The following PTPRD variants were observed in gnomAD, a reference collection of about 807,000 sequenced individuals.
PTPRD encodes receptor-type tyrosine-protein phosphatase delta.
A neutral mutation model predicts 214.5 loss-of-function variants in PTPRD; 34 were observed. The ratio of observed to expected loss-of-function variants is 0.16; its 90% CI spans 0.12 to 0.21. The LOEUF (loss-of-function observed/expected upper bound fraction) is 0.21. Among genes scored for constraint, PTPRD ranks in the 10% least tolerant of loss-of-function variants. The pLI is 1.00. For synonymous variants in PTPRD, 1,128 were observed against 845.7 expected (o/e 1.33, Z -5.79); for missense variants, 2,545 against 2,398.7 (o/e 1.06, Z -1.27).
intron 3 of PTPRD, among the ~76,000 whole-genome samples, chr9:10,180,468 T>C (rs1234143786): frequency 6.6e-6 from 1 of 151,938 alleles, no homozygotes. Context: ...ATATTTCTGG[T>C]GGATCATTTC....
At position 10,100,226 on chromosome 9, in the gene PTPRD, T is replaced by C. The variant is rs553672436; in HGVS notation, c.-544-66436A>G. On this transcript the variant is annotated intron_variant, in intron 3 of 45. Transcript: ENST00000381196. ...AATGGTAACAGCAACAAACTGAGAA[T>C]GTTTAGTACATAGCATTTCACTAAG... Among the ~76,000 whole-genome samples the C allele has an allele frequency of 4.6e-5, 7 of 151,844 alleles. 1 individual carries two copies. In the South Asian group the frequency reaches 1.5e-3, roughly 31 times the overall value.
intron 3 of PTPRD, among the ~76,000 whole-genome samples, chr9:10,302,873 A>G (rs921932237): frequency 5.3e-5 from 8 of 152,198 alleles, no homozygotes; most frequent in Non-Finnish European, 1.0e-4. Flanking sequence ...ATTAACAAGG[A>G]TATTCAAGAC....
intron 2 of PTPRD, among the ~76,000 whole-genome samples, chr9:10,398,555 GT>G (rs2098215593): frequency 1.3e-5 from 2 of 152,010 alleles, no homozygotes; most frequent in South Asian, 4.2e-4. Flanking sequence ...AACCTACTAT[GT>G]GCTAGATATG....
intron 8 of PTPRD, among the ~76,000 whole-genome samples, chr9:9,434,325 A>T (rs529975071): frequency 6.6e-6 from 1 of 152,180 alleles, no homozygotes; most frequent in Non-Finnish European, 1.5e-5. Flanking sequence ...AAGTATCTCT[A>T]CACTGAAAAC....
chr9:9,874,067 A>C (rs1010682873), intron 5 of PTPRD, among the ~76,000 whole-genome samples: 2 of 152,162 alleles, frequency 1.3e-5, no homozygotes, highest in Non-Finnish European at 2.9e-5. Context: ...TTTTTAGGAC[A>C]AAAACATTTT....
At chr9:8,688,351 G>A (rs2097728980) in intron 12 of PTPRD, among the ~76,000 whole-genome samples, 1 of 152,106 alleles carries the variant, frequency 6.6e-6, no homozygotes, top group African/African-American at 2.4e-5. Context: ...CGGATCACAA[G>A]TTCAGGAGAT....
intron 11 of PTPRD, among the ~76,000 whole-genome samples, chr9:8,830,027 C>T (rs769909584): frequency 6.6e-6 from 1 of 152,006 alleles, no homozygotes; most frequent in African/African-American, 2.4e-5. Context: ...AGATTAAATA[C>T]CAAAGTTTGA....
intron 20 of PTPRD, 89 bp from the exon 21 acceptor site, chr9:8,518,518 AT>A: frequency 2.2e-6 from 2 of 929,440 alleles, no homozygotes; most frequent in Non-Finnish European, 3.2e-6. Flanking sequence ...AAATGACAGG[AT>A]TATGTATCTA....
intron 3 of PTPRD, among the ~76,000 whole-genome samples, chr9:10,051,830 C>A (rs1438270975): frequency 3.3e-5 from 5 of 152,154 alleles, no homozygotes; most frequent in East Asian, 1.9e-4. Context: ...TGTTTTAATT[C>A]TCTTTTTATT....
intron 11 of PTPRD, among the ~76,000 whole-genome samples, chr9:8,986,762 T>G (rs1299069419): frequency 6.6e-6 from 1 of 152,110 alleles, no homozygotes; most frequent in African/African-American, 2.4e-5. Context: ...GTAAGCATTT[T>G]AAATGTTTTT....
intron 3 of PTPRD, among the ~76,000 whole-genome samples, chr9:10,150,526 G>T (rs928016540): frequency 6.6e-6 from 1 of 152,008 alleles, no homozygotes. Context: ...CAGGAGGAGG[G>T]GGGAGGGATA....
chr9:9,870,169 T>TG (rs1294472933), intron 5 of PTPRD, among the ~76,000 whole-genome samples: 1 of 151,898 alleles, frequency 6.6e-6, no homozygotes, highest in Non-Finnish European at 1.5e-5. Context: ...TGAAGATGGG[T>TG]GGATGGGTTC....
intron 2 of PTPRD, among the ~76,000 whole-genome samples, chr9:10,341,966 G>A (rs1246781336): frequency 6.6e-6 from 1 of 151,892 alleles, no homozygotes; most frequent in Non-Finnish European, 1.5e-5. Context: ...CTAACCTTTT[G>A]AAGCTGTTAA....
chr9:9,470,933 A>T (rs1401055412), intron 8 of PTPRD, among the ~76,000 whole-genome samples: 1 of 152,166 alleles, frequency 6.6e-6, no homozygotes, highest in African/African-American at 2.4e-5. Context: ...GTGGGATGGA[A>T]ACTTAGACTG....
chr9:10,223,712 T>TAAA lies in PTPRD; in HGVS notation c.-545+117248_-545+117250dup, dbSNP rs1365877319. 2.8e-5 allele frequency among the ~76,000 whole-genome samples: 4 copies of TAAA among 144,038 alleles called. No homozygotes were observed. The East Asian group carries it at 8.0e-4, about 29-fold the overall frequency. 94.5% of individuals were successfully genotyped at this position (144,038 alleles called of 152,430 possible). A position where few individuals can be genotyped will look rare whatever the true frequency, so the allele number is the denominator to read the frequency against. On this transcript the variant is annotated intron_variant, in intron 3 of 45. Transcript: ENST00000381196. The stretch of plus-strand genomic sequence containing the variant: ...ATAATAATAATAATAATAATAATAA[T>TAAA]AAAGTAGAGTAGTTAAACCACTGTA...
chr9:10,604,023 A>G (rs1456090787), intron 2 of PTPRD, among the ~76,000 whole-genome samples: 1 of 151,840 alleles, frequency 6.6e-6, no homozygotes, highest in Non-Finnish European at 1.5e-5. Context: ...TAAGGCCAAC[A>G]TAGTCATTCC....
At chr9:10,581,899 T>A (rs1026330611) in intron 2 of PTPRD, among the ~76,000 whole-genome samples, 3 of 152,140 alleles carry the variant, frequency 2.0e-5, no homozygotes, top group Non-Finnish European at 4.4e-5. Flanking sequence ...TCAAGCTACA[T>A]CACCCATAAG....
chr9:10,024,629 T>A (rs10755997), intron 4 of PTPRD, among the ~76,000 whole-genome samples: 82,917 of 151,710 alleles, frequency 0.55, 23,646 homozygotes, highest in South Asian at 0.66. Flanking sequence ...TTCTTTTTTT[T>A]AAATTTTATT....
chr9:9,181,608 T>G (rs1256878356), intron 10 of PTPRD, among the ~76,000 whole-genome samples: 5 of 152,052 alleles, frequency 3.3e-5, no homozygotes, highest in African/African-American at 1.2e-4. Flanking sequence ...AATATAATTA[T>G]TATCTTTATT....
Sources: allele counts gnomAD v4.1 joint callset (sites outside exome capture counted in the v4.1 genomes callset), GRCh38; gene constraint gnomAD v4.1.1; transcripts MANE v1.5; gene names NCBI Gene and HGNC (gene_info 2026-07-23, HGNC 2026-07-21).